Variants in ARB2A observed in about 807,000 individuals in gnomAD.
The protein encoded by ARB2A is cotranscriptional regulator ARB2A.
the ARB2A span, among the ~76,000 whole-genome samples, chr5:94,096,981 C>A: frequency 0.014 from 2,123 of 152,264 alleles, 52 homozygotes; most frequent in African/African-American, 0.048. Flanking sequence ...CAATGACCCC[C>A]ATGGACACTT....
the ARB2A span, among the ~76,000 whole-genome samples, chr5:93,629,496 C>T: frequency 2.0e-5 from 3 of 151,972 alleles, no homozygotes; most frequent in Middle Eastern, 3.4e-3. Context: ...AGTGTGATAA[C>T]GTGAAGCTCA....
At chr5:93,679,116 TATAAGAG>T in the ARB2A span, among the ~76,000 whole-genome samples, 3 of 152,212 alleles carry the variant, frequency 2.0e-5, no homozygotes, top group Admixed American at 2.0e-4. Context: ...TAGGGAATCT[TATAAGAG>T]ATATGAAATT....
At chr5:93,803,328 C>T in the ARB2A span, among the ~76,000 whole-genome samples, 1 of 151,926 alleles carries the variant, frequency 6.6e-6, no homozygotes, top group African/African-American at 2.4e-5. Context: ...GATACTACAG[C>T]TTTCATCTTT....
the ARB2A span, among the ~76,000 whole-genome samples, chr5:93,661,827 C>T: frequency 5.3e-5 from 8 of 151,948 alleles, no homozygotes; most frequent in African/African-American, 1.4e-4. Flanking sequence ...ACCAAGAGAC[C>T]GGTGGATGAT....
At chr5:93,826,601 T>A in the ARB2A span, among the ~76,000 whole-genome samples, 1 of 152,106 alleles carries the variant, frequency 6.6e-6, no homozygotes, top group Admixed American at 6.6e-5. Flanking sequence ...TTTTTTTAAT[T>A]TTTTTTATTA....
chr5:93,913,115 C>T, the ARB2A span, among the ~76,000 whole-genome samples: 119 of 151,768 alleles, frequency 7.8e-4, 1 homozygote, highest in African/African-American at 2.8e-3. Flanking sequence ...AAGTCCTTGC[C>T]CTAATTCTAA....
chr5:94,050,419 T>C, the ARB2A span, among the ~76,000 whole-genome samples: 6 of 151,986 alleles, frequency 3.9e-5, no homozygotes, highest in Non-Finnish European at 7.4e-5. Context: ...CACACCCAGC[T>C]ACTTTTTGTA....
chr5:94,057,954 G>C, the ARB2A span, among the ~76,000 whole-genome samples: 3 of 152,128 alleles, frequency 2.0e-5, no homozygotes, highest in Admixed American at 1.3e-4. Context: ...AAACTGTTTA[G>C]AAAGAGAGAC....
chr5:93,828,883 T>G, the ARB2A span, among the ~76,000 whole-genome samples: 1 of 152,146 alleles, frequency 6.6e-6, no homozygotes, highest in African/African-American at 2.4e-5. Context: ...TTCAAGCGAT[T>G]TTCCTGCCTC....
At chr5:93,752,075 C>A in the ARB2A span, among the ~76,000 whole-genome samples, 1 of 152,064 alleles carries the variant, frequency 6.6e-6, no homozygotes, top group Non-Finnish European at 1.5e-5. Context: ...GGCATAGAGG[C>A]TAAGCCAGAT....
At chr5:93,742,865 T>C in the ARB2A span, 5 of 152,334 alleles carry the variant, frequency 3.3e-5, no homozygotes, top group African/African-American at 1.2e-4. Context: ...TTTTGTATTT[T>C]TCACTGCCCC....
chr5:93,904,899 G>A, the ARB2A span, among the ~76,000 whole-genome samples: 2 of 151,672 alleles, frequency 1.3e-5, no homozygotes, highest in African/African-American at 4.8e-5. Context: ...AGGAGTCAAT[G>A]TCTCAAATGA....
chr5:93,920,876 C>T, the ARB2A span, among the ~76,000 whole-genome samples: 1,894 of 152,026 alleles, frequency 0.012, 42 homozygotes, highest in African/African-American at 0.043. Flanking sequence ...CTAATCTGTG[C>T]GAGCAGTTGT....
the ARB2A span, among the ~76,000 whole-genome samples, chr5:94,102,013 TAATGAATAATTACA>T: frequency 6.7e-6 from 1 of 149,264 alleles, no homozygotes; most frequent in Non-Finnish European, 1.5e-5. Flanking sequence ...ATAGTGTAAA[TAATGAATAATTACA>T]AAATGAAACT....
the ARB2A span, among the ~76,000 whole-genome samples, chr5:93,782,285 T>C: frequency 6.6e-6 from 1 of 152,166 alleles, no homozygotes; most frequent in Non-Finnish European, 1.5e-5. Flanking sequence ...CTTTCATCCT[T>C]GATTATCACC....
chr5:93,848,387 T>TAA, the ARB2A span, among the ~76,000 whole-genome samples: 11 of 131,662 alleles, frequency 8.4e-5, no homozygotes, highest in Admixed American at 8.3e-4. Flanking sequence ...GTCTAAAGAT[T>TAA]AAAAAAAAAA....
At chr5:93,631,034 AG>A in the ARB2A span, among the ~76,000 whole-genome samples, 1 of 152,028 alleles carries the variant, frequency 6.6e-6, no homozygotes, top group Non-Finnish European at 1.5e-5. Flanking sequence ...TTGGGACTAC[AG>A]GCGTGCACCT....
the ARB2A span, among the ~76,000 whole-genome samples, chr5:93,639,371 T>C: frequency 1.3e-5 from 2 of 152,092 alleles, no homozygotes; most frequent in Non-Finnish European, 2.9e-5. Context: ...AAGTCTATAG[T>C]TGTTCTCACT....
chr5:93,900,977 C>A, the ARB2A span, among the ~76,000 whole-genome samples: 1 of 152,096 alleles, frequency 6.6e-6, no homozygotes, highest in Non-Finnish European at 1.5e-5. Context: ...AGGTTTATGT[C>A]ATATTCCAAA....
Sources: allele counts gnomAD v4.1 joint callset (sites outside exome capture counted in the v4.1 genomes callset), GRCh38; gene constraint gnomAD v4.1.1; transcripts MANE v1.5; gene names NCBI Gene and HGNC (gene_info 2026-07-23, HGNC 2026-07-21).